CLVS1: variants seen among roughly 807,000 people sequenced by gnomAD.
The protein encoded by CLVS1 is clavesin-1.
CLVS1 carries 10 observed loss-of-function variants against 33.1 expected under a neutral mutation model. The ratio of observed to expected loss-of-function variants is 0.30; its 90% CI spans 0.19 to 0.51. The LOEUF (loss-of-function observed/expected upper bound fraction) is 0.51, where lower values mean the gene tolerates loss of function less well. Among genes scored for constraint, CLVS1 ranks in the 20% least tolerant of loss-of-function variants. The pLI, the probability that CLVS1 is intolerant of heterozygous loss-of-function variation, is 0.97. For missense variants in CLVS1, 343 were observed against 433.4 expected (o/e 0.79, Z 1.85); for synonymous variants, 163 against 166.1 (o/e 0.98, Z 0.14).
the CLVS1 span, among the ~76,000 whole-genome samples, chr8:61,011,972 T>G: frequency 6.6e-6 from 1 of 152,330 alleles, no homozygotes. Context: ...CTCACGCCCA[T>G]GCAGGGGCTC....
At chr8:61,285,682 G>A (rs1219468920), upstream of CLVS1, among the ~76,000 whole-genome samples, 1 of 152,140 alleles carries the variant, frequency 6.6e-6, no homozygotes, top group Non-Finnish European at 1.5e-5. Context: ...GAGTACAGGG[G>A]GAGTGCCTTG....
chr8:61,232,040 T>G lies in CLVS1; in HGVS notation c.-151-67637T>G, dbSNP rs562167518. Reference sequence around the variant, plus strand: ...AAGTTGTGGTTTTTTTTTTTTTTTTTTTTTTTTTTTGTGAGATGGAGTCTC... The same window carrying G: ...AAGTTGTGGTTTTTTTTTTTTTTTTGTTTTTTTTTTGTGAGATGGAGTCTC... On this transcript the variant is annotated intron_variant, in intron 2 of 2. Coordinates refer to the CLVS1 transcript ENST00000522621. Among the ~76,000 whole-genome samples, 108 of 136,402 alleles carry G rather than the reference T, an allele frequency of 7.9e-4. 9 individuals are homozygous for G. Among genetic ancestry groups the G allele is most frequent in the African/African-American group, 2.6e-3 (85 of 32,794 alleles). 89.5% of individuals were successfully genotyped at this position (136,402 alleles called of 152,430 possible).
At chr8:61,042,906 A>C in the CLVS1 span, among the ~76,000 whole-genome samples, 1 of 152,212 alleles carries the variant, frequency 6.6e-6, no homozygotes, top group African/African-American at 2.4e-5. Context: ...CACTGAGGCA[A>C]ATGTATACTG....
At chr8:61,403,354 T>C (rs1814846208) in intron 3 of CLVS1, among the ~76,000 whole-genome samples, 1 of 152,162 alleles carries the variant, frequency 6.6e-6, no homozygotes, top group Non-Finnish European at 1.5e-5. Context: ...GTTGGAGGGC[T>C]CTGGGCTGAA....
intron 5 of CLVS1, among the ~76,000 whole-genome samples, chr8:61,491,535 CATAATTTATTA>C (rs1804089451): frequency 6.6e-6 from 1 of 152,258 alleles, no homozygotes; most frequent in South Asian, 2.1e-4. Context: ...ATAAGAAATG[CATAATTTATTA>C]AGAGAGATTA....
At chr8:61,211,469 G>A (rs1807969529) in intron 2 of CLVS1, among the ~76,000 whole-genome samples, 1 of 147,054 alleles carries the variant, frequency 6.8e-6, no homozygotes, top group South Asian at 2.1e-4. Context: ...CTTTTCCTCT[G>A]CCTCCCCCTC....
chr8:61,329,832 C>T (rs1456660142), intron 2 of CLVS1, among the ~76,000 whole-genome samples: 1 of 152,110 alleles, frequency 6.6e-6, no homozygotes, highest in Non-Finnish European at 1.5e-5. Context: ...TTTTGCCATC[C>T]CTTCAGTTAG....
At chr8:61,161,209 C>CT (rs35135380) in intron 2 of CLVS1, among the ~76,000 whole-genome samples, 61,449 of 151,940 alleles carry the variant, frequency 0.4, 15,324 homozygotes, top group Middle Eastern at 0.65. Flanking sequence ...GAAGTGAACC[C>CT]TTGTACACAG....
chr8:60,996,848 C>T, the CLVS1 span, among the ~76,000 whole-genome samples: 1 of 152,150 alleles, frequency 6.6e-6, no homozygotes, highest in Non-Finnish European at 1.5e-5. Flanking sequence ...CCTCTACATC[C>T]TGACCTTCTC....
At chr8:61,002,980 A>G in the CLVS1 span, among the ~76,000 whole-genome samples, 1 of 152,236 alleles carries the variant, frequency 6.6e-6, no homozygotes. Flanking sequence ...CCAGAAGCAG[A>G]GCCCAAGAGT....
intron 4 of CLVS1, among the ~76,000 whole-genome samples, chr8:61,457,367 T>C (rs183561402): frequency 2.6e-5 from 4 of 152,298 alleles, no homozygotes; most frequent in South Asian, 2.1e-4. Flanking sequence ...TGAAGAAGTG[T>C]GGGAACTGAC....
the CLVS1 span, among the ~76,000 whole-genome samples, chr8:61,039,715 T>G: frequency 6.6e-6 from 1 of 152,084 alleles, no homozygotes; most frequent in South Asian, 2.1e-4. Context: ...TAATTTTTTA[T>G]TTTTTGTGGA....
chr8:61,298,012 G>A (rs560502345), intron 1 of CLVS1, among the ~76,000 whole-genome samples: 31 of 152,204 alleles, frequency 2.0e-4, no homozygotes, highest in African/African-American at 6.0e-4. Flanking sequence ...TTCTAGTATC[G>A]TTATTATTAA....
At chr8:61,283,582 T>C (rs1809718411), upstream of CLVS1, among the ~76,000 whole-genome samples, 1 of 152,238 alleles carries the variant, frequency 6.6e-6, no homozygotes, top group African/African-American at 2.4e-5. Flanking sequence ...TTCTCATGTA[T>C]ACATTTCCCC....
chr8:61,000,573 A>G, the CLVS1 span, among the ~76,000 whole-genome samples: 1 of 152,178 alleles, frequency 6.6e-6, no homozygotes, highest in Non-Finnish European at 1.5e-5. Context: ...GGCTTTATAG[A>G]TTTTCTAATA....
chr8:60,987,048 G>T, the CLVS1 span, among the ~76,000 whole-genome samples: 1 of 152,206 alleles, frequency 6.6e-6, no homozygotes, highest in Non-Finnish European at 1.5e-5. Context: ...ATCAGATTCT[G>T]GGAGTTCAGA....
intron 5 of CLVS1, among the ~76,000 whole-genome samples, chr8:61,469,153 G>T (rs1056150574): frequency 6.6e-6 from 1 of 152,138 alleles, no homozygotes; most frequent in African/African-American, 2.4e-5. Context: ...GAGATCACAG[G>T]CTCCTGTGTT....
chr8:61,272,442 C>G (rs1293031886), intron 2 of CLVS1, among the ~76,000 whole-genome samples: 2 of 151,738 alleles, frequency 1.3e-5, no homozygotes, highest in African/African-American at 2.4e-5. Context: ...TCCTTCATTT[C>G]AACTTTGGTG....
At chr8:61,003,296 C>T in the CLVS1 span, among the ~76,000 whole-genome samples, 1 of 152,058 alleles carries the variant, frequency 6.6e-6, no homozygotes, top group African/African-American at 2.4e-5. Flanking sequence ...AAGTATGGTT[C>T]TGGGGAGTGG....
Sources: gnomAD v4.1 joint callset for allele counts (sites outside exome capture counted in the v4.1 genomes callset) on GRCh38, gnomAD v4.1.1 for gene constraint, MANE v1.5 for transcripts, NCBI Gene and HGNC (gene_info 2026-07-23, HGNC 2026-07-21) for gene names.